Variants in MCF2L observed in about 807,000 individuals in gnomAD.
MCF2L encodes guanine nucleotide exchange factor DBS.
A neutral mutation model predicts 153.4 loss-of-function variants in MCF2L; 97 were observed. That is an observed-to-expected ratio of 0.63 (90% CI 0.54 to 0.75). The LOEUF is 0.75. MCF2L is among the 30% of genes least tolerant of loss of function. MCF2L has a pLI of 0.00. For missense variants in MCF2L, 1,347 were observed against 1,495.2 expected, an observed-to-expected ratio of 0.90 and a Z score of 1.64; for synonymous variants, 659 against 632.2, an observed-to-expected ratio of 1.04 and a Z score of -0.64.
chr13:112,942,780 C>T (rs1362710752), intron 2 of MCF2L, among the ~76,000 whole-genome samples: 2 of 152,176 alleles, frequency 1.3e-5, no homozygotes, highest in Non-Finnish European at 2.9e-5. Context: ...AGGGACATCT[C>T]TTGATGTGGT....
chr13:112,906,760 G>A (rs938583062), intron 2 of MCF2L, among the ~76,000 whole-genome samples: 5 of 152,212 alleles, frequency 3.3e-5, no homozygotes, highest in African/African-American at 4.8e-5. Flanking sequence ...ACTTCCTTGC[G>A]CAGCAGAGGT....
intron 2 of MCF2L, among the ~76,000 whole-genome samples, chr13:112,962,200 C>T (rs1471287859): frequency 7.2e-6 from 1 of 138,554 alleles, no homozygotes; most frequent in Non-Finnish European, 1.6e-5. Context: ...CACAAACATG[C>T]TCACACACTT....
In MCF2L at chr13:113,076,163, G is replaced by T. The variant is rs775507098; in HGVS notation, c.1500+6G>T. 1 of 1,603,048 alleles carries T rather than the reference G, an allele frequency of 6.2e-7. No individual in the cohort carries two copies. The highest frequency in any genetic ancestry group is 8.5e-7 in the Non-Finnish European group (1 of 1,172,888). On this transcript the variant is annotated splice_donor_region_variant and intron_variant, in intron 12 of 29. Transcript: ENST00000535094. ...TCCTCAACCAAGATCTCATGGTAAC[G>T]CTGACTCGGGCTCTCCATTTGCAGC...
intron 11 of MCF2L, 87 bp downstream of exon 11, chr13:113,075,276 G>T: frequency 3.2e-6 from 4 of 1,267,794 alleles, no homozygotes; most frequent in Middle Eastern, 2.7e-4. Context: ...GACCCTTGTC[G>T]TGGGGAGGGC....
At chr13:112,899,097 C>T (rs755474404) in intron 1 of MCF2L, among the ~76,000 whole-genome samples, 4 of 152,228 alleles carry the variant, frequency 2.6e-5, no homozygotes, top group South Asian at 2.1e-4. Context: ...TTTGTGTCCT[C>T]GGCACCTGCG....
chr13:112,907,513 G>A lies in MCF2L; in HGVS notation c.169+5142G>A, dbSNP rs967264615. Among the ~76,000 whole-genome samples the A allele has an allele frequency of 6.6e-6, 1 of 152,080 alleles. No individual in the cohort carries two copies. Among genetic ancestry groups the A allele is most frequent in the African/African-American group, 2.4e-5 (1 of 41,434 alleles). On this transcript the variant is annotated intron_variant, in intron 2 of 29. Coordinates refer to the MCF2L transcript ENST00000375608. This position sits in a 1 kb window ranked among gnomAD's most constrained non-coding sequence, Gnocchi z 5.1. ...GCTTGGTGGAGAATGGCTGAATCCT[G>A]GCAACTGTGGCCTTTGCAGGGGCTG...
intron 1 of MCF2L, among the ~76,000 whole-genome samples, chr13:112,995,581 T>C (rs578003034): frequency 2.0e-5 from 3 of 152,258 alleles, no homozygotes; most frequent in East Asian, 3.9e-4. Flanking sequence ...GCCTGCGGCG[T>C]TGTGGCTCCA....
At chr13:113,078,502 C>A in intron 14 of MCF2L, 66 bp downstream of exon 14, 2 of 1,464,000 alleles carry the variant, frequency 1.4e-6, no homozygotes, top group Non-Finnish European at 1.9e-6. Context: ...GGGCCTGGTT[C>A]TCCGTGTGGC....
At chr13:113,095,666 G>C (rs975655177) in intron 27 of MCF2L, 1 of 991,710 alleles carries the variant, frequency 1.0e-6, no homozygotes, top group African/African-American at 1.7e-5. Context: ...GCCATCACGT[G>C]AGGGCAGGTG....
chr13:113,016,735 G>A (rs1382240373), intron 2 of MCF2L, among the ~76,000 whole-genome samples: 7 of 152,268 alleles, frequency 4.6e-5, no homozygotes, highest in African/African-American at 9.6e-5. Context: ...TCCATGCAGC[G>A]AATTTCTTCC....
chr13:113,025,516 GTT>G (rs2085201398), intron 3 of MCF2L, among the ~76,000 whole-genome samples: 1 of 50,674 alleles, frequency 2.0e-5, no homozygotes, highest in African/African-American at 8.3e-5. Flanking sequence ...TCTCTGTGAG[GTT>G]TCATCATCGT....
chr13:113,039,679 A>C (rs569161562), intron 3 of MCF2L, among the ~76,000 whole-genome samples: 1 of 151,280 alleles, frequency 6.6e-6, no homozygotes, highest in South Asian at 2.1e-4. Flanking sequence ...ATCATAAAAG[A>C]GGATAGCCAC....
At chr13:112,916,412 A>C (rs1030709391) in intron 2 of MCF2L, among the ~76,000 whole-genome samples, 2 of 152,014 alleles carry the variant, frequency 1.3e-5, no homozygotes, top group Non-Finnish European at 2.9e-5. Context: ...AAATCTTCTG[A>C]GCTCCTGCTT....
chr13:112,928,847 C>T (rs944180012), intron 2 of MCF2L, among the ~76,000 whole-genome samples: 9 of 152,344 alleles, frequency 5.9e-5, no homozygotes, highest in South Asian at 4.1e-4. Flanking sequence ...GAGGACTTCC[C>T]GGCCGAGGGC....
chr13:112,906,721 G>A (rs567701615), intron 2 of MCF2L, among the ~76,000 whole-genome samples: 17 of 152,346 alleles, frequency 1.1e-4, no homozygotes, highest in African/African-American at 3.6e-4. Flanking sequence ...TTAGAATTGA[G>A]CGTGAGAGAG....
chr13:112,906,894 A>G (rs1467220725), intron 2 of MCF2L, among the ~76,000 whole-genome samples: 1 of 152,208 alleles, frequency 6.6e-6, no homozygotes, highest in Non-Finnish European at 1.5e-5. Flanking sequence ...TTTTCGTCCC[A>G]GCAAACCTTT....
intron 2 of MCF2L, chr13:112,909,400 A>G (rs2081207284): frequency 2.7e-6 from 2 of 746,958 alleles, no homozygotes; most frequent in Admixed American, 1.7e-5. Context: ...GTTGATCCCA[A>G]GGGGCTGTCT....
chr13:113,086,470 G>T (rs1292755695), intron 21 of MCF2L, among the ~76,000 whole-genome samples: 1 of 152,146 alleles, frequency 6.6e-6, no homozygotes, highest in Admixed American at 6.5e-5. Context: ...TCTCTGGGAC[G>T]TGGAGAAAAT....
At position 113,074,759 on chromosome 13, in the gene MCF2L, C is replaced by T. The variant is rs933878633; in HGVS notation, c.1116+196C>T. Among the ~76,000 whole-genome samples, 14 of 152,144 alleles carry T rather than the reference C, an allele frequency of 9.2e-5. No individual in the cohort carries two copies. Among genetic ancestry groups the T allele is most frequent in the South Asian group, 6.2e-4 (3 of 4,828 alleles). Reference sequence around the variant, plus strand: ...CCCACCCACAGCACATGGCCCTGCCCGGCCTCCTCTGGGTCAGGTCCCTGC... The same window carrying T: ...CCCACCCACAGCACATGGCCCTGCCTGGCCTCCTCTGGGTCAGGTCCCTGC... On this transcript the variant is annotated intron_variant, in intron 10 of 29. Coordinates refer to ENST00000535094, the MANE Select transcript of MCF2L (RefSeq NM_001112732.3). The surrounding 1 kb of genome is among the most constrained non-coding windows in gnomAD (Gnocchi z 4.2).
Sources: gnomAD v4.1 joint callset for allele counts (sites outside exome capture counted in the v4.1 genomes callset) on GRCh38, gnomAD v4.1.1 for gene constraint, Gnocchi (gnomAD v3.1) non-coding constraint, MANE v1.5 for transcripts, NCBI Gene and HGNC (gene_info 2026-07-23, HGNC 2026-07-21) for gene names.